Variants in TSBP1 observed in about 807,000 individuals in gnomAD.
The protein encoded by TSBP1 is testis-expressed basic protein 1.
In TSBP1, 56 loss-of-function variants were observed where a neutral mutation model predicts 68.8. That is an observed-to-expected ratio of 0.81 (90% CI 0.66 to 1.02). The LOEUF (loss-of-function observed/expected upper bound fraction) is 1.02. Ranked by LOEUF, TSBP1 falls within the 50% of genes least tolerant of loss-of-function variation. The pLI is 0.00. For synonymous variants in TSBP1, 171 were observed against 208.7 expected, an observed-to-expected ratio of 0.82 and a Z score of 1.56; for missense variants, 502 against 641.2, an observed-to-expected ratio of 0.78 and a Z score of 2.34.
intron 9 of TSBP1, among the ~76,000 whole-genome samples, chr6:32,341,035 A>G (rs1271950454): frequency 6.6e-6 from 1 of 152,082 alleles, no homozygotes; most frequent in Non-Finnish European, 1.5e-5. Flanking sequence ...GCCTTGAGTG[A>G]TCCCCTCACC....
rs1312686570 is a variant in TSBP1 at position 32,343,517 on chromosome 6, C to T, written c.350-3879G>A. On this transcript the variant is annotated intron_variant, in intron 9 of 22. Coordinates refer to ENST00000612031, the Ensembl canonical transcript of TSBP1. The surrounding 1 kb of genome is among the most constrained non-coding windows in gnomAD (Gnocchi z 4.3). ...TCTGATTTCATTCACCACCTTTCTC[C>T]TGTCTTTTCCGTTTCTCCCTCCCTC... is the stretch of plus-strand genomic sequence containing the variant. 6.6e-6 allele frequency among the ~76,000 whole-genome samples: 1 copy of T among 152,146 alleles called. No individual in the cohort carries two copies. Among genetic ancestry groups the T allele is most frequent in the Non-Finnish European group, 1.5e-5 (1 of 68,024 alleles).
In TSBP1 at chr6:32,297,957, A is replaced by G. The variant is rs189307285; in HGVS notation, c.637+1965T>C. Among the ~76,000 whole-genome samples, 144 of 152,262 alleles carry G rather than the reference A, an allele frequency of 9.5e-4. 2 individuals carry two copies. The highest frequency in any genetic ancestry group is 3.3e-3 in the African/African-American group (139 of 41,558). ...AATGTGTTTGAAAGAGTATATCAATAAGAATATGTCTTTTACAAAAAATTT... is the reference window on the plus strand; with the variant it reads ...AATGTGTTTGAAAGAGTATATCAATGAGAATATGTCTTTTACAAAAAATTT... On this transcript the variant is annotated intron_variant, in intron 22 of 22. Coordinates refer to ENST00000612031, the Ensembl canonical transcript of TSBP1.
intron 19 of TSBP1, among the ~76,000 whole-genome samples, chr6:32,305,086 T>C (rs1398639691): frequency 6.6e-6 from 1 of 152,206 alleles, no homozygotes; most frequent in Non-Finnish European, 1.5e-5. Context: ...AGAGCCAGGC[T>C]AGAATGTAAC....
intron 22 of TSBP1, among the ~76,000 whole-genome samples, chr6:32,295,681 T>G (rs6910668): frequency 0.13 from 20,005 of 152,064 alleles, 1,508 homozygotes; most frequent in Non-Finnish European, 0.17. Flanking sequence ...ATAAAAGCAC[T>G]TGGTACAGTG....
Position 32,338,896 on chromosome 6 carries a change from T to A in TSBP1, c.409+83A>T. 9.3e-7 allele frequency: 1 copy of A among 1,073,068 alleles called. No homozygotes were observed. The highest frequency in any genetic ancestry group is 2.4e-5 in the East Asian group (1 of 42,374). The allele number at this position is 1,073,068 out of a possible 1,614,324, so 66.5% of individuals were successfully genotyped here. A position where few individuals can be genotyped will look rare whatever the true frequency, so the allele number is the denominator to read the frequency against. On this transcript the variant is annotated intron_variant, in intron 11 of 22. Transcript: ENST00000612031. The surrounding 1 kb of genome is among the most constrained non-coding windows in gnomAD (Gnocchi z 5.5). ...ACAATTTGTGAAAGAAATAAAAAAA[T>A]CTAGGAATATGAGTGTCTTACATAT... is the stretch of plus-strand genomic sequence containing the variant.
rs9368715 is a variant in TSBP1, at chr6:32,338,245, G to A, written c.409+734C>T. On this transcript the variant is annotated intron_variant, in intron 11 of 22. Transcript: ENST00000612031. This position sits in a 1 kb window ranked among gnomAD's most constrained non-coding sequence, Gnocchi z 5.5. The stretch of plus-strand genomic sequence containing the variant: ...CACCTGGGAATCTTATTAAAATGCA[G>A]AGTCTGATTTAGTAGGTCGGGGTGG... Among the ~76,000 whole-genome samples, 51,120 of 151,886 alleles carry A rather than the reference G, an allele frequency of 0.34. 9,663 individuals are homozygous for A. The highest frequency in any genetic ancestry group is 0.52 in the Middle Eastern group (153 of 294).
chr6:32,371,843 G>A, exon 1 of TSBP1: 1 of 879,954 alleles, frequency 1.1e-6, no homozygotes, highest in Non-Finnish European at 1.9e-6. Flanking sequence ...CTTGTAGGCA[G>A]AGATGCAGAG....
intron 9 of TSBP1, among the ~76,000 whole-genome samples, chr6:32,347,140 A>G (rs1443206451): frequency 6.7e-6 from 1 of 149,116 alleles, no homozygotes; most frequent in Non-Finnish European, 1.5e-5. Flanking sequence ...TTTTTAAAAA[A>G]CCATGTCTCT....
At chr6:32,370,004 G>A (rs746850325) in intron 1 of TSBP1, 21 bp from the exon 2 acceptor site, 1 of 1,489,774 alleles carries the variant, frequency 6.7e-7, no homozygotes, top group South Asian at 1.1e-5. Flanking sequence ...AAACTCACCT[G>A]TAAACATGCT....
At chr6:32,341,386 A>G (rs1236940191) in intron 9 of TSBP1, among the ~76,000 whole-genome samples, 1 of 152,028 alleles carries the variant, frequency 6.6e-6, no homozygotes, top group East Asian at 1.9e-4. Flanking sequence ...TCGATCACAA[A>G]CTCAGTTGCA....
At chr6:32,369,911 C>T (rs767931000) in exon 2 of TSBP1, 24 of 1,604,596 alleles carry the variant, frequency 1.5e-5, no homozygotes, top group East Asian at 2.2e-5. Context: ...TTGCTTACAT[C>T]GTGCCCATCT....
At chr6:32,364,766 A>G (rs925442960) in intron 6 of TSBP1, among the ~76,000 whole-genome samples, 1 of 151,946 alleles carries the variant, frequency 6.6e-6, no homozygotes, top group Admixed American at 6.6e-5. Context: ...TAGTTACTGA[A>G]ATATTATTGT....
At chr6:32,330,542 TAGA>T (rs1768857068) in intron 16 of TSBP1, 44 bp downstream of exon 17, 2 of 1,580,898 alleles carry the variant, frequency 1.3e-6, no homozygotes, top group Non-Finnish European at 1.7e-6. Context: ...CTAGACACTG[TAGA>T]AGATCAAGGA....
chr6:32,311,905 C>T (rs969379938), intron 19 of TSBP1, among the ~76,000 whole-genome samples: 1 of 152,064 alleles, frequency 6.6e-6, no homozygotes, highest in Admixed American at 6.5e-5. Flanking sequence ...TGCAGAGTGT[C>T]CTTGTTCTGT....
At chr6:32,367,309 G>A (rs1773869364) in intron 4 of TSBP1, among the ~76,000 whole-genome samples, 1 of 151,328 alleles carries the variant, frequency 6.6e-6, no homozygotes, top group Admixed American at 6.6e-5. Flanking sequence ...GGCAGCCCTG[G>A]TGAGTGGATA....
intron 19 of TSBP1, among the ~76,000 whole-genome samples, chr6:32,303,700 C>T (rs560347400): frequency 2.0e-5 from 3 of 152,126 alleles, no homozygotes; most frequent in Admixed American, 2.0e-4. Flanking sequence ...GAGGCAAGTC[C>T]CAATTCTTTC....
At chr6:32,327,731 GCAA>G (rs1162393136) in intron 16 of TSBP1, among the ~76,000 whole-genome samples, 1 of 149,136 alleles carries the variant, frequency 6.7e-6, no homozygotes, top group Non-Finnish European at 1.5e-5. Flanking sequence ...TCAGCTCACT[GCAA>G]CCTCTGCCTC....
rs1405129694 is a variant in TSBP1, at chr6:32,325,459, G to A, written c.515-1845C>T. On this transcript the variant is annotated intron_variant, in intron 16 of 22. Coordinates refer to ENST00000612031, the Ensembl canonical transcript of TSBP1. This position sits in a 1 kb window ranked among gnomAD's most constrained non-coding sequence, Gnocchi z 4.4. ...AATGCAAGGCCACACAAGGTGGATG[G>A]AAGAGCTGTGGAACCAAAGAGAGCT... 4.4e-6 allele frequency: 4 copies of A among 904,076 alleles called. No homozygotes were observed. The highest frequency in any genetic ancestry group is 1.7e-5 in the Admixed American group (1 of 59,014). The allele number at this position is 904,076 out of a possible 1,614,324, so 56.0% of individuals were successfully genotyped here.
Position 32,336,695 on chromosome 6 carries a change from T to TA in TSBP1, c.410-61dup. The TA allele has an allele frequency of 6.7e-7, 1 of 1,500,660 alleles. No individual in the cohort carries two copies. The highest frequency in any genetic ancestry group is 9.3e-7 in the Non-Finnish European group (1 of 1,079,428). The allele number at this position is 1,500,660 out of a possible 1,614,324, so 93.0% of individuals were successfully genotyped here. On this transcript the variant is annotated intron_variant, in intron 11 of 22. Transcript: ENST00000612031. This position sits in a 1 kb window ranked among gnomAD's most constrained non-coding sequence, Gnocchi z 5.2. ...ATTAATAGAATTTTCATTTTACCAGTATTGTTTCTAAAGAAACTATGAAGC... is the reference window on the plus strand; with the variant it reads ...ATTAATAGAATTTTCATTTTACCAGTAATTGTTTCTAAAGAAACTATGAAGC...
Sources: gnomAD v4.1 joint callset for allele counts (sites outside exome capture counted in the v4.1 genomes callset) on GRCh38, gnomAD v4.1.1 for gene constraint, Gnocchi (gnomAD v3.1) non-coding constraint, MANE v1.5 for transcripts, NCBI Gene and HGNC (gene_info 2026-07-23, HGNC 2026-07-21) for gene names.